The following SNRNP40 variants were observed in gnomAD, a reference collection of about 807,000 sequenced individuals.
SNRNP40 encodes the protein small nuclear ribonucleoprotein U5 subunit 40.
In SNRNP40, 21 loss-of-function variants were observed where a neutral mutation model predicts 45.8. That is an observed-to-expected ratio of 0.46 (90% CI 0.32 to 0.66). SNRNP40 has a LOEUF of 0.66. Ranked by LOEUF, SNRNP40 falls within the 30% of genes least tolerant of loss-of-function variation. The pLI is 0.03. For missense variants in SNRNP40, 344 were observed against 439.1 expected (o/e 0.78, Z 1.94); for synonymous variants, 142 against 163.8 (o/e 0.87, Z 1.01).
At chr1:31,271,195 G>A in intron 6 of SNRNP40, 184 bp downstream of exon 6, 1 of 542,720 alleles carries the variant, frequency 1.8e-6, no homozygotes, top group South Asian at 3.0e-5. Context: ...TGCCTAGAGA[G>A]AAGAAATGCT....
chr1:31,276,861 T>C (rs367952429), intron 5 of SNRNP40, among the ~76,000 whole-genome samples: 8 of 152,136 alleles, frequency 5.3e-5, no homozygotes, highest in African/African-American at 1.9e-4. Context: ...GGTGAAACCA[T>C]GTCTCTACTA....
intron 3 of SNRNP40, among the ~76,000 whole-genome samples, chr1:31,290,197 GCTTT>G (rs1276009720): frequency 6.6e-6 from 1 of 151,828 alleles, no homozygotes; most frequent in Non-Finnish European, 1.5e-5. Flanking sequence ...ATCTTATAAT[GCTTT>G]CTTTTTTCAT....
At chr1:31,282,513 ATCT>A (rs1229927586) in intron 4 of SNRNP40, 1 of 148,914 alleles carries the variant, frequency 6.7e-6, no homozygotes, top group Non-Finnish European at 1.5e-5. Flanking sequence ...CTATCTATCT[ATCT>A]ATCTATCTAA....
chr1:31,291,977 T>C lies in SNRNP40; in HGVS notation c.301A>G (p.Asn101Asp). The C allele has an allele frequency of 6.2e-7, 1 of 1,612,868 alleles. No individual in the cohort carries two copies. Among genetic ancestry groups the C allele is most frequent in the Non-Finnish European group, 8.5e-7 (1 of 1,178,848 alleles). ...CTGTGTCCCTTCAGTGTGGCATAGT[T>C]ATCACAGTCACCATAGACATTCCAC... ...LLWNVYGDCDNYATLKGHSGA... is the reference protein window; with the variant it reads ...LLWNVYGDCDDYATLKGHSGA... The change falls in exon 3 of 10, where the codon AAC becomes GAC. Residue 101 changes from asparagine (N) to aspartate (D), a missense_variant. This residue lies in a region of SNRNP40 where 254 missense variants were observed against 380.2 expected (regional missense o/e 0.67). Coordinates refer to ENST00000263694, the MANE Select transcript of SNRNP40 (RefSeq NM_004814.3).
intron 5 of SNRNP40, among the ~76,000 whole-genome samples, chr1:31,276,006 A>G (rs1167360941): frequency 6.6e-6 from 1 of 152,260 alleles, no homozygotes; most frequent in South Asian, 2.1e-4. Flanking sequence ...GATTCACATG[A>G]AACAGCCTAA....
chr1:31,269,579 G>C lies in SNRNP40; in HGVS notation c.776-339C>G. On this transcript the variant is annotated intron_variant, in intron 6 of 9. Transcript: ENST00000263694. The stretch of plus-strand genomic sequence containing the variant: ...TGCCAGCTTAGTCACATCCAGCAAA[G>C]CTTCAATGTGACAAACTAAATACCA... 1.6e-5 allele frequency: 7 copies of C among 426,738 alleles called. No homozygotes were observed. The South Asian group carries it at 5.8e-4, about 35-fold the overall frequency. 26.4% of individuals were successfully genotyped at this position (426,738 alleles called of 1,614,324 possible). A position where few individuals can be genotyped will look rare whatever the true frequency, so the allele number is the denominator to read the frequency against.
intron 3 of SNRNP40, 105 bp downstream of exon 3, chr1:31,291,808 A>G (rs868778074): frequency 1.0e-5 from 8 of 772,638 alleles, no homozygotes; most frequent in Middle Eastern, 7.3e-4. Context: ...TAGCTACCCA[A>G]AATTAGTAGT....
At chr1:31,280,113 C>CAAAA (rs577919252) in intron 5 of SNRNP40, among the ~76,000 whole-genome samples, 7 of 67,608 alleles carry the variant, frequency 1.0e-4, no homozygotes, top group South Asian at 8.1e-4. Flanking sequence ...GACTCTGACT[C>CAAAA]AAAAAAAAAA....
At chr1:31,266,806 C>T (rs924680148) in intron 8 of SNRNP40, among the ~76,000 whole-genome samples, 1 of 152,176 alleles carries the variant, frequency 6.6e-6, no homozygotes, top group Non-Finnish European at 1.5e-5. Flanking sequence ...CATTCTTCAG[C>T]TAGGAATTCA....
chr1:31,265,440 G>A (rs900672155), intron 8 of SNRNP40, among the ~76,000 whole-genome samples: 2 of 151,914 alleles, frequency 1.3e-5, no homozygotes, highest in Non-Finnish European at 2.9e-5. Context: ...AAAGTTTAAA[G>A]GAACAGTGGA....
chr1:31,270,460 G>A (rs1037218926), intron 6 of SNRNP40, among the ~76,000 whole-genome samples: 2 of 152,072 alleles, frequency 1.3e-5, no homozygotes, highest in Non-Finnish European at 2.9e-5. Flanking sequence ...TTTTTTTAAT[G>A]CTAGATTAAA....
At chr1:31,279,060 A>AC (rs71569976) in intron 5 of SNRNP40, among the ~76,000 whole-genome samples, 3 of 145,842 alleles carry the variant, frequency 2.1e-5, no homozygotes, top group Admixed American at 6.8e-5. Context: ...AAAAAAAAAA[A>AC]CCAGACTATT....
chr1:31,285,016 A>G (rs1646046964), intron 4 of SNRNP40, among the ~76,000 whole-genome samples: 1 of 152,174 alleles, frequency 6.6e-6, no homozygotes. Context: ...CTTTGTCTCA[A>G]TAGATACTTC....
intron 5 of SNRNP40, 34 bp downstream of exon 5, chr1:31,281,340 T>G (rs968300566): frequency 6.5e-7 from 1 of 1,531,534 alleles, no homozygotes; most frequent in East Asian, 2.3e-5. Flanking sequence ...TGCAGATAGA[T>G]GAAATGGAAA....
intron 1 of SNRNP40, among the ~76,000 whole-genome samples, chr1:31,293,671 T>C (rs1178074383): frequency 1.3e-5 from 2 of 152,192 alleles, no homozygotes; most frequent in African/African-American, 4.8e-5. Context: ...AGCTTCAAAC[T>C]CCTTGGCTCA....
intron 3 of SNRNP40, 102 bp from the exon 4 acceptor site, chr1:31,289,521 G>T: frequency 9.6e-7 from 1 of 1,042,240 alleles, no homozygotes. Context: ...CAAGATCACT[G>T]ACCTGCTGTG....
At chr1:31,293,109 C>T in intron 2 of SNRNP40, 110 bp downstream of exon 2, 1 of 1,184,248 alleles carries the variant, frequency 8.4e-7, no homozygotes, top group African/African-American at 1.5e-5. Context: ...AGCCATGCAG[C>T]CTGTTATGTT....
chr1:31,261,966 T>C (rs1219730763), intron 8 of SNRNP40: 1 of 192,516 alleles, frequency 5.2e-6, no homozygotes, highest in Non-Finnish European at 1.1e-5. Context: ...TCTAGTATAA[T>C]TAGGCTACAG....
intron 5 of SNRNP40, among the ~76,000 whole-genome samples, chr1:31,272,004 T>C (rs932222994): frequency 2.0e-5 from 3 of 152,082 alleles, no homozygotes; most frequent in African/African-American, 7.2e-5. Context: ...CGAATGCATA[T>C]CAAATGTTAA....
Sources: allele counts gnomAD v4.1 joint callset (sites outside exome capture counted in the v4.1 genomes callset), GRCh38; gene constraint gnomAD v4.1.1; regional missense constraint gnomAD v4.1.1; transcripts MANE v1.5; gene names NCBI Gene and HGNC (gene_info 2026-07-23, HGNC 2026-07-21).